WDR27: variants seen among roughly 807,000 people sequenced by gnomAD.
WDR27 encodes WD repeat domain 27.
A neutral mutation model predicts 114.4 loss-of-function variants in WDR27; 100 were observed. The ratio of observed to expected loss-of-function variants is 0.87; its 90% CI spans 0.74 to 1.03. WDR27 has a LOEUF of 1.03. Among genes scored for constraint, WDR27 ranks in the 50% least tolerant of loss-of-function variants. The pLI is 0.00. For synonymous variants in WDR27, 449 were observed against 423.1 expected (o/e 1.06, Z -0.75); for missense variants, 1,129 against 1,092.9 (o/e 1.03, Z -0.47).
intron 25 of WDR27, among the ~76,000 whole-genome samples, chr6:169,485,267 T>G (rs1464440834): frequency 6.6e-6 from 1 of 152,186 alleles, no homozygotes; most frequent in Non-Finnish European, 1.5e-5. Flanking sequence ...AAACTATGCA[T>G]CTGACGAAGG....
intron 25 of WDR27, among the ~76,000 whole-genome samples, chr6:169,497,621 T>C (rs999302229): frequency 6.6e-6 from 1 of 151,014 alleles, no homozygotes; most frequent in Non-Finnish European, 1.5e-5. Context: ...CCAAAGAAGA[T>C]ACACAAATGT....
the WDR27 span, among the ~76,000 whole-genome samples, chr6:169,441,464 T>C: frequency 6.6e-5 from 10 of 152,200 alleles, no homozygotes; most frequent in Admixed American, 5.9e-4. Context: ...GAGGCACAGG[T>C]CACTTGCCCA....
chr6:169,659,260 C>A lies in WDR27; in HGVS notation c.1198-53G>T. ...AGCGACACCACCCAGTAAAAGCAGACGAAACGTGCATCCGCACACGTATCC... is the reference window on the plus strand; with the variant it reads ...AGCGACACCACCCAGTAAAAGCAGAAGAAACGTGCATCCGCACACGTATCC... On this transcript the variant is annotated intron_variant, in intron 11 of 25. Coordinates refer to ENST00000448612, the MANE Select transcript of WDR27 (RefSeq NM_182552.5). The surrounding 1 kb of genome is among the most constrained non-coding windows in gnomAD (Gnocchi z 4.3). 1 of 1,559,448 alleles carries A rather than the reference C, an allele frequency of 6.4e-7. No individual in the cohort carries two copies. Among genetic ancestry groups the A allele is most frequent in the Non-Finnish European group, 8.7e-7 (1 of 1,150,810 alleles).
At chr6:169,503,260 T>TC in intron 25 of WDR27, among the ~76,000 whole-genome samples, 1 of 152,212 alleles carries the variant, frequency 6.6e-6, no homozygotes, top group East Asian at 1.9e-4. Context: ...CATGACAGGG[T>TC]CACAGACAAC....
chr6:169,520,575 AGAT>A, intron 25 of WDR27, among the ~76,000 whole-genome samples: 1 of 152,208 alleles, frequency 6.6e-6, no homozygotes, highest in East Asian at 1.9e-4. Flanking sequence ...GACTCTCACA[AGAT>A]GATGATAATG....
chr6:169,427,612 C>T, the WDR27 span, among the ~76,000 whole-genome samples: 1 of 152,218 alleles, frequency 6.6e-6, no homozygotes, highest in African/African-American at 2.4e-5. Context: ...GCTGTGTCTG[C>T]AGAGCAGGAG....
chr6:169,607,393 T>TACACAC (rs199658563), intron 22 of WDR27, among the ~76,000 whole-genome samples: 2,615 of 99,452 alleles, frequency 0.026, 49 homozygotes, highest in African/African-American at 0.056. Context: ...TGTGTGTGTA[T>TACACAC]ACACACACAC....
At chr6:169,504,277 T>C (rs1211175108) in intron 25 of WDR27, among the ~76,000 whole-genome samples, 1 of 152,212 alleles carries the variant, frequency 6.6e-6, no homozygotes, top group African/African-American at 2.4e-5. Flanking sequence ...CTCACTGATA[T>C]GGTTTGGATC....
intron 25 of WDR27, among the ~76,000 whole-genome samples, chr6:169,509,967 A>G (rs1792585706): frequency 6.6e-6 from 1 of 152,232 alleles, no homozygotes; most frequent in South Asian, 2.1e-4. Context: ...AAAAGTGGGC[A>G]AAGGATATGA....
At chr6:169,459,528 T>A (rs909070394) in intron 25 of WDR27, among the ~76,000 whole-genome samples, 1 of 151,556 alleles carries the variant, frequency 6.6e-6, no homozygotes, top group African/African-American at 2.4e-5. Context: ...GAAATGGCTA[T>A]AAATGTATAT....
intron 19 of WDR27, 25 bp downstream of exon 19, chr6:169,636,346 A>G: frequency 6.2e-7 from 1 of 1,603,604 alleles, no homozygotes; most frequent in Non-Finnish European, 8.5e-7. Context: ...ATCTAAAAAT[A>G]ATGCACAGGG....
At chr6:169,688,284 A>G (rs2128297757) in intron 2 of WDR27, among the ~76,000 whole-genome samples, 1 of 152,356 alleles carries the variant, frequency 6.6e-6, no homozygotes, top group Admixed American at 6.5e-5. Context: ...TACGTAATGT[A>G]TAATCACATT....
chr6:169,546,674 T>A (rs1333590355), intron 25 of WDR27, among the ~76,000 whole-genome samples: 1 of 152,102 alleles, frequency 6.6e-6, no homozygotes. Context: ...ATGGAAGGGT[T>A]CCACAGCTCA....
intron 21 of WDR27, among the ~76,000 whole-genome samples, chr6:169,622,136 A>C (rs1813507653): frequency 6.6e-6 from 1 of 152,212 alleles, no homozygotes; most frequent in African/African-American, 2.4e-5. Flanking sequence ...CAGGACCTGA[A>C]GGTCCCCTCC....
intron 13 of WDR27, among the ~76,000 whole-genome samples, chr6:169,654,872 C>A (rs376809187): frequency 6.6e-6 from 1 of 152,292 alleles, no homozygotes; most frequent in South Asian, 2.1e-4. Context: ...CAGAAGGAAG[C>A]GCGCACAGAG....
chr6:169,660,987 C>T (rs897144769), intron 9 of WDR27, among the ~76,000 whole-genome samples: 3 of 151,674 alleles, frequency 2.0e-5, no homozygotes, highest in East Asian at 2.0e-4. Flanking sequence ...GTGAGCTCTC[C>T]GCAGGAGTGG....
chr6:169,658,597 T>A (rs1045515499), intron 12 of WDR27, among the ~76,000 whole-genome samples: 3 of 152,112 alleles, frequency 2.0e-5, no homozygotes, highest in African/African-American at 7.2e-5. Flanking sequence ...TCAATTAAAA[T>A]AAACTATCAA....
chr6:169,661,440 G>A (rs1046223030), intron 9 of WDR27, among the ~76,000 whole-genome samples: 3 of 152,170 alleles, frequency 2.0e-5, no homozygotes, highest in Admixed American at 2.0e-4. Context: ...CATGGACTTG[G>A]CAGAGGCCCC....
At chr6:169,697,243 T>C (rs1028381915) in intron 1 of WDR27, among the ~76,000 whole-genome samples, 4 of 151,996 alleles carry the variant, frequency 2.6e-5, no homozygotes, top group Non-Finnish European at 5.9e-5. Flanking sequence ...TGAGGGGACA[T>C]AGTGAGGAGT....
Sources: allele counts gnomAD v4.1 joint callset (sites outside exome capture counted in the v4.1 genomes callset), GRCh38; gene constraint gnomAD v4.1.1; non-coding constraint Gnocchi (gnomAD v3.1); transcripts MANE v1.5; gene names NCBI Gene and HGNC (gene_info 2026-07-23, HGNC 2026-07-21).